The following CATSPER4 variants were observed in gnomAD, a reference collection of about 807,000 sequenced individuals.
CATSPER4 encodes cation channel sperm associated 4, also known as cation channel sperm-associated protein 4.
In CATSPER4, 46 loss-of-function variants were observed where a neutral mutation model predicts 54.4. The ratio of observed to expected loss-of-function variants is 0.84; its 90% confidence interval spans 0.67 to 1.08. The LOEUF (loss-of-function observed/expected upper bound fraction) is 1.08, where lower values mean the gene tolerates loss of function less well. Among genes scored for constraint, CATSPER4 ranks in the 50% least tolerant of loss-of-function variants. The pLI, the probability that CATSPER4 is intolerant of heterozygous loss-of-function variation, is 0.00. For missense variants in CATSPER4, 574 were observed against 612.8 expected (o/e 0.94, Z 0.67); for synonymous variants, 230 against 231.9 (o/e 0.99, Z 0.08).
chr1:26,199,607 A>T lies in CATSPER4; in HGVS notation c.813-277A>T, dbSNP rs184255123. ...CAGCGAGACTCCATCTCAAAAAAAA[A>T]AAAAGGAGTGTAGCTAATAGATTAA... On this transcript the variant is annotated intron_variant, in intron 6 of 9. Transcript: ENST00000456354. 7.9e-5 allele frequency among the ~76,000 whole-genome samples: 12 copies of T among 151,990 alleles called. 1 individual carries two copies. The highest frequency in any genetic ancestry group is 2.7e-4 in the African/African-American group (11 of 41,414).
At position 26,201,428 on chromosome 1, in the gene CATSPER4, C is replaced by A; in HGVS notation, c.1274C>A (p.Thr425Lys). The A allele has an allele frequency of 6.2e-7, 1 of 1,614,076 alleles. No homozygotes were observed. The highest frequency in any genetic ancestry group is 8.5e-7 in the Non-Finnish European group (1 of 1,179,962). The change falls in exon 9 of 10, where the codon ACG becomes AAG. Residue 425 changes from threonine to lysine, a missense_variant. Coordinates refer to ENST00000456354, the MANE Select transcript of CATSPER4 (RefSeq NM_198137.2). The part of the protein sequence containing the change: ...ESEVLNRRSS[T>K]SGSLETTSSK... ...GAGGTGTTGAACAGGCGCTCGTCGA[C>A]GAGCGGGTCGTTGGAGACTACGTCA...
At chr1:26,199,379 C>T (rs939074187) in intron 6 of CATSPER4, among the ~76,000 whole-genome samples, 4 of 151,158 alleles carry the variant, frequency 2.6e-5, no homozygotes, top group African/African-American at 9.8e-5. Flanking sequence ...TTGCGGTGAA[C>T]CCATATCACG....
At chr1:26,196,872 G>A (rs2088944920) in intron 3 of CATSPER4, among the ~76,000 whole-genome samples, 1 of 151,408 alleles carries the variant, frequency 6.6e-6, no homozygotes, top group African/African-American at 2.4e-5. Flanking sequence ...TTGGACAAAG[G>A]GCTTGCAAAA....
rs2089000731 is a variant in CATSPER4 at position 26,200,939 on chromosome 1, T to C, written c.1097T>C (p.Leu366Pro). 1.2e-6 allele frequency: 2 copies of C among 1,613,966 alleles called. No individual in the cohort carries two copies. Among genetic ancestry groups the C allele is most frequent in the African/African-American group, 2.7e-5 (2 of 74,908 alleles). ...LLQEPLAGGP[L>P]SNLSENTCDN... is the part of the protein sequence containing the mutation. The stretch of plus-strand genomic sequence containing the variant: ...CAGGAACCCCTTGCGGGAGGCCCCC[T>C]GTCGAACCTCTCAGAAAACACGTGT... The change falls in exon 8 of 10, where the codon CTG becomes CCG. Residue 366 changes from leucine to proline, a missense_variant. Coordinates refer to ENST00000456354, the MANE Select transcript of CATSPER4 (RefSeq NM_198137.2).
At position 26,191,466 on chromosome 1, in the gene CATSPER4, T is replaced by TA. The variant is rs112088682; in HGVS notation, c.357+38dup. ...AGCATGACCTCTGCCCCACTAACCC[T>TA]AATGGGGGGCCTGGGGCAAGAACTC... On this transcript the variant is annotated intron_variant, in intron 2 of 9. Coordinates refer to ENST00000456354, the MANE Select transcript of CATSPER4 (RefSeq NM_198137.2). 149 of 1,610,372 alleles carry TA rather than the reference T, an allele frequency of 9.3e-5. 2 individuals carry two copies. The African/African-American group carries it at 1.0e-3, about 11-fold the overall frequency.
At chr1:26,191,032 C>T (rs1050811243) in intron 1 of CATSPER4, among the ~76,000 whole-genome samples, 192 bp downstream of exon 1, 3 of 152,062 alleles carry the variant, frequency 2.0e-5, no homozygotes, top group Non-Finnish European at 4.4e-5. Context: ...CCTTATATAA[C>T]GATCATCTTC....
At chr1:26,195,690 A>T (rs1309472029) in intron 3 of CATSPER4, among the ~76,000 whole-genome samples, 1 of 151,796 alleles carries the variant, frequency 6.6e-6, no homozygotes, top group Non-Finnish European at 1.5e-5. Flanking sequence ...TTTAGTAGAG[A>T]CGGGGGTCTC....
chr1:26,200,635 A>C (rs1036438210), intron 7 of CATSPER4, among the ~76,000 whole-genome samples, 195 bp from the exon 8 acceptor site: 2 of 151,946 alleles, frequency 1.3e-5, no homozygotes, highest in South Asian at 4.2e-4. Context: ...ATTTTTAAAG[A>C]GGTGGGGGGA....
At position 26,199,598 on chromosome 1, in the gene CATSPER4, CA is replaced by C. The variant is rs561742837; in HGVS notation, c.813-273del. On this transcript the variant is annotated intron_variant, in intron 6 of 9. Transcript: ENST00000456354. Reference sequence around the variant, plus strand: ...TGGGCAACACAGCGAGACTCCATCTCAAAAAAAAAAAAAGGAGTGTAGCTAA... The same window carrying C: ...TGGGCAACACAGCGAGACTCCATCTCAAAAAAAAAAAAGGAGTGTAGCTAA... Among the ~76,000 whole-genome samples, 333 of 113,580 alleles carry C rather than the reference CA, an allele frequency of 2.9e-3. 2 individuals carry two copies. Among genetic ancestry groups the C allele is most frequent in the Middle Eastern group, 4.8e-3 (1 of 208 alleles). The allele number at this position is 113,580 out of a possible 152,430, so 74.5% of individuals were successfully genotyped here. A position where few individuals can be genotyped will look rare whatever the true frequency, so the allele number is the denominator to read the frequency against.
In CATSPER4 at chr1:26,197,735, G is replaced by A. The variant is rs759809432; in HGVS notation, c.509G>A (p.Arg170Gln). ...NFIIVFILLL[R>Q]FFINEINIPS... is the part of the protein sequence containing the mutation. ...ATTATCGTCTTTATCTTGCTCTTGC[G>A]GTTCTTCATTAATGAAATCAATATT... is the stretch of plus-strand genomic sequence containing the variant. The change falls in exon 4 of 10, where the codon CGG becomes CAG. Residue 170 changes from arginine (R) to glutamine (Q), a missense_variant. Transcript: ENST00000456354. 9.3e-6 allele frequency: 15 copies of A among 1,613,810 alleles called. No individual in the cohort carries two copies. Among genetic ancestry groups the A allele is most frequent in the South Asian group, 5.5e-5 (5 of 91,070 alleles).
chr1:26,190,727 G>A lies in CATSPER4; in HGVS notation c.100G>A (p.Ala34Thr), dbSNP rs1371608170. 3 of 1,613,326 alleles carry A rather than the reference G, an allele frequency of 1.9e-6. No homozygotes were observed. The highest frequency in any genetic ancestry group is 3.3e-5 in the Admixed American group (2 of 59,988). The change falls in exon 1 of 10, where the codon GCA (alanine) becomes ACA (threonine). Residue 34 changes from alanine to threonine, a missense_variant. Ala to Thr is a moderately conservative substitution (Grantham distance 58). Coordinates refer to ENST00000456354, the MANE Select transcript of CATSPER4 (RefSeq NM_198137.2). ...GGAGGACCGTATGGGGTTTGGAGGG[G>A]CAGTAGCTGCACTGAGGGGCCGCCC... ...TQEDRMGFGG[A>T]VAALRGRPSP...
chr1:26,193,954 T>A (rs2088905108), intron 3 of CATSPER4, 66 bp downstream of exon 3: 1 of 1,060,254 alleles, frequency 9.4e-7, no homozygotes, highest in African/African-American at 1.6e-5. Context: ...TCTGCCCCTG[T>A]ACTCCTGGCC....
At position 26,190,607 on chromosome 1, in the gene CATSPER4, G is replaced by A. The variant is rs2088849283; in HGVS notation, c.-21G>A. 1 of 1,593,154 alleles carries A rather than the reference G, an allele frequency of 6.3e-7. No homozygotes were observed. Among genetic ancestry groups the A allele is most frequent in the African/African-American group, 1.3e-5 (1 of 74,804 alleles). On this transcript the variant is annotated 5_prime_UTR_variant, in exon 1 of 10. Coordinates refer to ENST00000456354, the MANE Select transcript of CATSPER4 (RefSeq NM_198137.2). ...ACTTGGAGTGAAGATTCTTTGAGGA[G>A]AAGGAAGAGACTGAGCAAACATGAG...
intron 6 of CATSPER4, 91 bp from the exon 7 acceptor site, chr1:26,199,793 A>T: frequency 7.1e-7 from 1 of 1,406,816 alleles, no homozygotes; most frequent in African/African-American, 1.4e-5. Flanking sequence ...AAGTTCTAGT[A>T]GGCCTTGGGA....
At chr1:26,201,294 T>G in intron 8 of CATSPER4, 60 bp from the exon 9 acceptor site, 1 of 1,544,818 alleles carries the variant, frequency 6.5e-7, no homozygotes, top group Non-Finnish European at 8.9e-7. Context: ...AGGGAAGAGG[T>G]GGGAGGGCTG....
chr1:26,202,533 C>T lies in CATSPER4; in HGVS notation c.1410C>T (p.Ser470=), dbSNP rs752281338. The change falls in exon 10 of 10, where the codon AGC becomes AGT. Residue 470 remains serine, a synonymous_variant. Transcript: ENST00000456354. ...AAATACTCCTTAAAAAACACAAGAGCAGCCACTGAGAGGCCAGGATGGGAG... is the reference window on the plus strand; with the variant it reads ...AAATACTCCTTAAAAAACACAAGAGTAGCCACTGAGAGGCCAGGATGGGAG... The part of the protein sequence containing the change: ...SSQILLKKHK[S]SH 3.1e-6 allele frequency: 5 copies of T among 1,610,620 alleles called. No individual in the cohort carries two copies. The highest frequency in any genetic ancestry group is 3.4e-5 in the Admixed American group (2 of 59,622).
intron 2 of CATSPER4, among the ~76,000 whole-genome samples, chr1:26,193,156 C>A (rs2088891751): frequency 6.6e-6 from 1 of 151,656 alleles, no homozygotes; most frequent in Non-Finnish European, 1.5e-5. Flanking sequence ...GGGGTCGCAG[C>A]CATAAGGAAG....
intron 1 of CATSPER4, 142 bp from the exon 2 acceptor site, chr1:26,191,145 T>C (rs1048780939): frequency 1.3e-5 from 12 of 945,810 alleles, no homozygotes; most frequent in Non-Finnish European, 2.0e-5. Context: ...TCTACACTGA[T>C]GTCTCCATTC....
chr1:26,197,730 C>T lies in CATSPER4; in HGVS notation c.504C>T (p.Leu168=). 3.7e-6 allele frequency: 6 copies of T among 1,613,968 alleles called. No individual in the cohort carries two copies. In the South Asian group the frequency reaches 5.5e-5, roughly 15 times the overall value. The part of the protein sequence containing the change: ...ILNFIIVFIL[L]LRFFINEINI... ...ACTTCATTATCGTCTTTATCTTGCT[C>T]TTGCGGTTCTTCATTAATGAAATCA... The change falls in exon 4 of 10, where the codon CTC becomes CTT. Residue 168 remains leucine (L), a synonymous_variant. Transcript: ENST00000456354.
Sources: allele counts gnomAD v4.1 joint callset (sites outside exome capture counted in the v4.1 genomes callset), GRCh38; gene constraint gnomAD v4.1.1; transcripts MANE v1.5; gene names NCBI Gene and HGNC (gene_info 2026-07-23, HGNC 2026-07-21).